The following PTPRD variants were observed in gnomAD, a reference collection of about 807,000 sequenced individuals.
The protein encoded by PTPRD is receptor-type tyrosine-protein phosphatase delta.
Under a neutral mutation model 214.5 loss-of-function variants are expected in PTPRD, and 34 were observed. That is an observed-to-expected ratio of 0.16 (90% CI 0.12 to 0.21). The LOEUF (loss-of-function observed/expected upper bound fraction) is 0.21. Among genes scored for constraint, PTPRD ranks in the 10% least tolerant of loss-of-function variants. The probability of loss-of-function intolerance (pLI) is 1.00; values close to 1 mark genes in which losing one functional copy is unlikely to be tolerated. For synonymous variants in PTPRD, 1,128 were observed against 845.7 expected (o/e 1.33, Z -5.79); for missense variants, 2,545 against 2,398.7 (o/e 1.06, Z -1.27).
At chr9:9,713,826 A>G (rs1325326900) in intron 7 of PTPRD, among the ~76,000 whole-genome samples, 1 of 152,252 alleles carries the variant, frequency 6.6e-6, no homozygotes, top group South Asian at 2.1e-4. Context: ...CAATGTTACA[A>G]TTCAGGGCTT....
intron 9 of PTPRD, among the ~76,000 whole-genome samples, chr9:9,334,787 G>A (rs2043776877): frequency 6.6e-6 from 1 of 151,792 alleles, no homozygotes; most frequent in Non-Finnish European, 1.5e-5. Context: ...TCCCAACCAT[G>A]TTGCTTTGTT....
chr9:8,584,836 T>C (rs1375403975), intron 14 of PTPRD, among the ~76,000 whole-genome samples: 1 of 152,178 alleles, frequency 6.6e-6, no homozygotes, highest in Non-Finnish European at 1.5e-5. Context: ...CCCAGGAAAC[T>C]TACAATCACG....
intron 12 of PTPRD, among the ~76,000 whole-genome samples, chr9:8,690,147 C>T (rs2097772979): frequency 6.6e-6 from 1 of 151,500 alleles, no homozygotes; most frequent in South Asian, 2.1e-4. Flanking sequence ...AATTCCTCTC[C>T]TAACAATTCT....
At chr9:9,281,834 A>T (rs1947803902) in intron 9 of PTPRD, among the ~76,000 whole-genome samples, 1 of 151,302 alleles carries the variant, frequency 6.6e-6, no homozygotes, top group African/African-American at 2.4e-5. Context: ...ATGGCAAAAA[A>T]AAAACTTGAA....
chr9:10,028,171 C>G (rs557235333), intron 4 of PTPRD, among the ~76,000 whole-genome samples: 1 of 152,176 alleles, frequency 6.6e-6, no homozygotes, highest in Non-Finnish European at 1.5e-5. Flanking sequence ...TTTCCCTTCA[C>G]AAGCTCTCTT....
intron 11 of PTPRD, among the ~76,000 whole-genome samples, chr9:8,772,121 T>G (rs78818474): frequency 1.3e-4 from 20 of 151,404 alleles, no homozygotes; most frequent in Admixed American, 4.6e-4. Context: ...AAAAAAAAAC[T>G]ATTCCTTCCT....
At chr9:8,859,790 G>C (rs1211593515) in intron 11 of PTPRD, among the ~76,000 whole-genome samples, 1 of 134,846 alleles carries the variant, frequency 7.4e-6, no homozygotes, top group Non-Finnish European at 1.6e-5. Context: ...ACGAAGTTTA[G>C]TTTTCCAGCA....
chr9:9,862,707 T>G lies in PTPRD; in HGVS notation c.-368+75800A>C, dbSNP rs147179440. Among the ~76,000 whole-genome samples the G allele has an allele frequency of 2.6e-5, 3 of 115,180 alleles. No homozygotes were observed. The East Asian group carries it at 9.2e-4, about 35-fold the overall frequency. 75.6% of individuals were successfully genotyped at this position (115,180 alleles called of 152,430 possible). A position where few individuals can be genotyped will look rare whatever the true frequency, so the allele number is the denominator to read the frequency against. On this transcript the variant is annotated intron_variant, in intron 5 of 45. Transcript: ENST00000381196. ...CTGCCTGTCTCTGAAGAAAGTTTAC[T>G]GCACATGCTATTGGTGGGGGGCGGG...
chr9:9,589,733 T>G (rs2092514051), intron 7 of PTPRD, among the ~76,000 whole-genome samples: 1 of 152,038 alleles, frequency 6.6e-6, no homozygotes, highest in African/African-American at 2.4e-5. Flanking sequence ...AAAAAAAAGT[T>G]AAATTATTCC....
At chr9:9,536,991 A>G (rs1249624662) in intron 8 of PTPRD, among the ~76,000 whole-genome samples, 1 of 151,974 alleles carries the variant, frequency 6.6e-6, no homozygotes, top group Non-Finnish European at 1.5e-5. Flanking sequence ...TACTAATTGC[A>G]GTACCTATGG....
chr9:9,068,703 C>T (rs478473), intron 10 of PTPRD, among the ~76,000 whole-genome samples: 88,696 of 151,898 alleles, frequency 0.58, 26,164 homozygotes, highest in Middle Eastern at 0.64. Flanking sequence ...TCTCCGTCTC[C>T]CTGGTTCCAG....
intron 14 of PTPRD, among the ~76,000 whole-genome samples, chr9:8,582,886 A>C (rs1168352789): frequency 6.6e-6 from 1 of 152,220 alleles, no homozygotes; most frequent in African/African-American, 2.4e-5. Context: ...TTGGATGTTA[A>C]GGCAAATTTC....
chr9:8,884,097 G>T (rs1231017962), intron 11 of PTPRD, among the ~76,000 whole-genome samples: 1 of 152,146 alleles, frequency 6.6e-6, no homozygotes, highest in East Asian at 1.9e-4. Context: ...GAGTAATTGA[G>T]GTTCGGGAAT....
At chr9:10,151,059 CT>C (rs138485125) in intron 3 of PTPRD, among the ~76,000 whole-genome samples, 5,756 of 110,998 alleles carry the variant, frequency 0.052, 222 homozygotes, top group East Asian at 0.17. Context: ...TTTTTGTTAA[CT>C]TTTTTTTTTT....
At chr9:9,323,357 G>C (rs1204432745) in intron 9 of PTPRD, among the ~76,000 whole-genome samples, 1 of 152,006 alleles carries the variant, frequency 6.6e-6, no homozygotes, top group East Asian at 1.9e-4. Flanking sequence ...TTTTATTCTT[G>C]AACCAACCAT....
At chr9:8,798,971 C>T (rs1267221978) in intron 11 of PTPRD, among the ~76,000 whole-genome samples, 1 of 152,020 alleles carries the variant, frequency 6.6e-6, no homozygotes, top group African/African-American at 2.4e-5. Flanking sequence ...GCCTGCTTTC[C>T]TTACAGGGTT....
Position 8,984,032 on chromosome 9 carries a change from TA to T in PTPRD, c.-104+34664del, listed in dbSNP as rs2099327431. ...TTCTAAATAGTGGCAATTTCTATAC[TA>T]TAACGTATATTTAGTATGTGTGTTT... On this transcript the variant is annotated intron_variant, in intron 11 of 45. Coordinates refer to ENST00000381196, the MANE Select transcript of PTPRD (RefSeq NM_002839.4). Among the ~76,000 whole-genome samples the T allele has an allele frequency of 3.3e-5, 5 of 152,250 alleles. No individual in the cohort carries two copies. In the South Asian group the frequency reaches 1.0e-3, roughly 32 times the overall value.
intron 10 of PTPRD, among the ~76,000 whole-genome samples, 190 bp from the exon 11 acceptor site, chr9:9,018,925 C>G (rs893012504): frequency 6.6e-6 from 1 of 151,956 alleles, no homozygotes; most frequent in Non-Finnish European, 1.5e-5. Context: ...TTAAAATGTT[C>G]CTTTTAAAGC....
intron 3 of PTPRD, among the ~76,000 whole-genome samples, chr9:10,115,945 G>C (rs575263225): frequency 4.6e-5 from 7 of 152,080 alleles, no homozygotes; most frequent in South Asian, 2.1e-4. Flanking sequence ...ATAACTGGTT[G>C]TTTATGGAAA....
Sources: gnomAD v4.1 joint callset for allele counts (sites outside exome capture counted in the v4.1 genomes callset) on GRCh38, gnomAD v4.1.1 for gene constraint, MANE v1.5 for transcripts, NCBI Gene and HGNC (gene_info 2026-07-23, HGNC 2026-07-21) for gene names.